RBBP4: variants seen among roughly 807,000 people sequenced by gnomAD.
RBBP4 encodes the protein histone-binding protein RBBP4.
RBBP4 carries 3 observed loss-of-function variants against 57.2 expected under a neutral mutation model. The ratio of observed to expected loss-of-function variants is 0.05; its 90% CI spans 0.02 to 0.14. The LOEUF (loss-of-function observed/expected upper bound fraction) is 0.14, where lower values mean the gene tolerates loss of function less well. Among genes scored for constraint, RBBP4 ranks in the 10% least tolerant of loss-of-function variants. RBBP4 has a pLI of 1.00. For synonymous variants in RBBP4, 151 were observed against 171.5 expected (o/e 0.88, Z 0.93); for missense variants, 107 against 520.6 (o/e 0.21, Z 7.73).
rs1466038703 is a variant in RBBP4, at chr1:32,686,102, A to G, written c.*6397A>G. The stretch of plus-strand genomic sequence containing the variant: ...GAGATGTAATGTAAGTGTAAAATAC[A>G]CAGCAGATTTCTAAGACAGCACACA... On this transcript the variant is annotated 3_prime_UTR_variant, in exon 12 of 12. Coordinates refer to ENST00000373493, the MANE Select transcript of RBBP4 (RefSeq NM_005610.3). 1 of 152,248 alleles carries G rather than the reference A, an allele frequency of 6.6e-6. No homozygotes were observed. The highest frequency in any genetic ancestry group is 6.5e-5 in the Admixed American group (1 of 15,278). 9.4% of individuals were successfully genotyped at this position (152,248 alleles called of 1,614,324 possible). A position where few individuals can be genotyped will look rare whatever the true frequency, so the allele number is the denominator to read the frequency against.
intron 2 of RBBP4, among the ~76,000 whole-genome samples, chr1:32,653,027 G>A (rs1414387300): frequency 6.6e-6 from 1 of 152,126 alleles, no homozygotes; most frequent in African/African-American, 2.4e-5. Context: ...TCTTATAAGG[G>A]GTTTGGGCAT....
chr1:32,651,499 GA>G (rs1570815448), intron 1 of RBBP4, 177 bp downstream of exon 1: 2 of 1,351,450 alleles, frequency 1.5e-6, no homozygotes, highest in East Asian at 5.7e-5. Flanking sequence ...CCCTGGGACC[GA>G]TTTCGGTCGC....
chr1:32,686,119 C>CA lies in RBBP4; in HGVS notation c.*6415dup, dbSNP rs1649813500. ...TAAAATACACAGCAGATTTCTAAGA[C>CA]AGCACACAAAATGTAAAATATGTCA... is the stretch of plus-strand genomic sequence containing the variant. On this transcript the variant is annotated 3_prime_UTR_variant, in exon 12 of 12. Coordinates refer to ENST00000373493, the MANE Select transcript of RBBP4 (RefSeq NM_005610.3). The CA allele has an allele frequency of 1.3e-5, 2 of 152,238 alleles. No individual in the cohort carries two copies. The highest frequency in any genetic ancestry group is 1.3e-4 in the Admixed American group (2 of 15,284). The allele number at this position is 152,238 out of a possible 1,614,324, so 9.4% of individuals were successfully genotyped here. A position where few individuals can be genotyped will look rare whatever the true frequency, so the allele number is the denominator to read the frequency against.
intron 2 of RBBP4, among the ~76,000 whole-genome samples, chr1:32,655,388 T>C (rs987948737): frequency 6.0e-5 from 9 of 149,162 alleles, no homozygotes; most frequent in African/African-American, 2.3e-4. Context: ...TTCCCCCCTT[T>C]AAAAAGAAAG....
At position 32,684,748 on chromosome 1, in the gene RBBP4, A is replaced by G. The variant is rs1570895775; in HGVS notation, c.*5043A>G. ...TCCCTCCATGTGCAGGTTTGTTAAG[A>G]TAATTGGTAGTTTTTAATAATATAA... is the stretch of plus-strand genomic sequence containing the variant. On this transcript the variant is annotated 3_prime_UTR_variant, in exon 12 of 12. Coordinates refer to ENST00000373493, the MANE Select transcript of RBBP4 (RefSeq NM_005610.3). The G allele has an allele frequency of 5.9e-6, 1 of 170,178 alleles. No individual in the cohort carries two copies. Among genetic ancestry groups the G allele is most frequent in the East Asian group, 1.6e-4 (1 of 6,354 alleles). The allele number at this position is 170,178 out of a possible 1,614,324, so 10.5% of individuals were successfully genotyped here. A position where few individuals can be genotyped will look rare whatever the true frequency, so the allele number is the denominator to read the frequency against.
In RBBP4 at chr1:32,651,266, C is replaced by T. The variant is rs775200329; in HGVS notation, c.-41C>T. On this transcript the variant is annotated 5_prime_UTR_variant, in exon 1 of 12. Transcript: ENST00000373493. ...TCTTGCAGCCTCCCCGCCCCTCCCG[C>T]AACGCTCGACCCCAGGATTCCCCCG... 1.9e-4 allele frequency: 291 copies of T among 1,507,232 alleles called. 1 individual carries two copies. Among genetic ancestry groups the T allele is most frequent in the Non-Finnish European group, 2.5e-4 (285 of 1,128,294 alleles). 93.4% of individuals were successfully genotyped at this position (1,507,232 alleles called of 1,614,324 possible).
At position 32,658,452 on chromosome 1, in the gene RBBP4, G is replaced by A. The variant is rs1648241049; in HGVS notation, c.310+880G>A. Among the ~76,000 whole-genome samples, 3 of 151,560 alleles carry A rather than the reference G, an allele frequency of 2.0e-5. 1 individual carries two copies. In the South Asian group the frequency reaches 6.2e-4, roughly 31 times the overall value. On this transcript the variant is annotated intron_variant, in intron 3 of 11. Coordinates refer to ENST00000373493, the MANE Select transcript of RBBP4 (RefSeq NM_005610.3). Reference sequence around the variant, plus strand: ...ATGACTTAACCATGGCACTCTCTATGTGTATAGAAACTAAGTTCCAATGAG... The same window carrying A: ...ATGACTTAACCATGGCACTCTCTATATGTATAGAAACTAAGTTCCAATGAG...
intron 3 of RBBP4, chr1:32,662,244 A>G: frequency 3.0e-6 from 1 of 333,284 alleles, no homozygotes; most frequent in Non-Finnish European, 6.2e-6. Context: ...TCTGTCGTCC[A>G]GGCTGAGTGC....
intron 2 of RBBP4, among the ~76,000 whole-genome samples, chr1:32,653,807 G>A (rs1021963912): frequency 1.3e-5 from 2 of 151,398 alleles, no homozygotes; most frequent in African/African-American, 4.8e-5. Flanking sequence ...TACAGGTGCC[G>A]GCCACTACCC....
chr1:32,681,044 A>G lies in RBBP4; in HGVS notation c.*1339A>G, dbSNP rs1000033074. ...CAGTATGTTTTTCACTGGGGCCTTT[A>G]CTTAGGTTAGAAATAATAGGCTTTG... On this transcript the variant is annotated 3_prime_UTR_variant, in exon 12 of 12. Coordinates refer to ENST00000373493, the MANE Select transcript of RBBP4 (RefSeq NM_005610.3). The G allele has an allele frequency of 6.5e-6, 1 of 153,018 alleles. No homozygotes were observed. Among genetic ancestry groups the G allele is most frequent in the Non-Finnish European group, 1.5e-5 (1 of 68,324 alleles). The allele number at this position is 153,018 out of a possible 1,614,324, so 9.5% of individuals were successfully genotyped here.
chr1:32,654,723 C>T (rs1214396640), intron 2 of RBBP4, among the ~76,000 whole-genome samples: 1 of 152,120 alleles, frequency 6.6e-6, no homozygotes, highest in East Asian at 1.9e-4. Context: ...GACGGAGTTT[C>T]ACTCTTGTTA....
At chr1:32,675,222 G>T (rs1472971016) in intron 11 of RBBP4, among the ~76,000 whole-genome samples, 2 of 151,582 alleles carry the variant, frequency 1.3e-5, no homozygotes, top group African/African-American at 4.8e-5. Flanking sequence ...TTTTAGTAGA[G>T]ACTGGGTTTC....
rs1017243238 is a variant in RBBP4 at position 32,659,142 on chromosome 1, A to G, written c.310+1570A>G. On this transcript the variant is annotated intron_variant, in intron 3 of 11. Transcript: ENST00000373493. ...ATTTATATATACATATAAATTTTAT[A>G]TATATAAAATATATGTAATTTTACA... Among the ~76,000 whole-genome samples the G allele has an allele frequency of 4.1e-5, 6 of 147,704 alleles. No homozygotes were observed. The East Asian group carries it at 5.8e-4, about 14-fold the overall frequency.
At chr1:32,664,033 TCTC>T (rs1648540084) in intron 3 of RBBP4, among the ~76,000 whole-genome samples, 1 of 150,116 alleles carries the variant, frequency 6.7e-6, no homozygotes, top group South Asian at 2.1e-4. Context: ...TTCATGCCAT[TCTC>T]CTGCCTCAGC....
chr1:32,655,230 A>T (rs1378443758), intron 2 of RBBP4, among the ~76,000 whole-genome samples: 1 of 149,846 alleles, frequency 6.7e-6, no homozygotes, highest in East Asian at 2.0e-4. Flanking sequence ...TCCCACTTTG[A>T]CCTCCCAAAG....
At chr1:32,676,710 AC>A (rs1462213778) in intron 11 of RBBP4, among the ~76,000 whole-genome samples, 1 of 151,932 alleles carries the variant, frequency 6.6e-6, no homozygotes, top group Non-Finnish European at 1.5e-5. Flanking sequence ...TAATTTTTTT[AC>A]AAAAAAGATG....
intron 2 of RBBP4, chr1:32,652,270 C>A: frequency 1.8e-6 from 1 of 558,094 alleles, no homozygotes; most frequent in Non-Finnish European, 3.1e-6. Context: ...GTTTTTTTCT[C>A]AATACTGAAT....
At chr1:32,677,725 T>A (rs937538832) in intron 11 of RBBP4, among the ~76,000 whole-genome samples, 4 of 151,946 alleles carry the variant, frequency 2.6e-5, no homozygotes, top group Admixed American at 2.6e-4. Context: ...TACACCCAGT[T>A]GGTGTCCTAA....
chr1:32,663,977 T>C lies in RBBP4; in HGVS notation c.311-4248T>C, dbSNP rs1324618010. Among the ~76,000 whole-genome samples the C allele has an allele frequency of 4.9e-4, 73 of 149,990 alleles. 1 individual carries two copies. Among genetic ancestry groups the C allele is most frequent in the African/African-American group, 1.8e-3 (72 of 40,792 alleles). ...AGTCTCGCTCTGTTGCCCAGGCTGGTATGCAGTGGCGCGATCTCGGCCCAC... is the reference window on the plus strand; with the variant it reads ...AGTCTCGCTCTGTTGCCCAGGCTGGCATGCAGTGGCGCGATCTCGGCCCAC... On this transcript the variant is annotated intron_variant, in intron 3 of 11. Coordinates refer to ENST00000373493, the MANE Select transcript of RBBP4 (RefSeq NM_005610.3).
Sources: allele counts gnomAD v4.1 joint callset (sites outside exome capture counted in the v4.1 genomes callset), GRCh38; gene constraint gnomAD v4.1.1; transcripts MANE v1.5; gene names NCBI Gene and HGNC (gene_info 2026-07-23, HGNC 2026-07-21).